Variants in MPHOSPH9 observed in about 807,000 individuals in gnomAD.
The protein encoded by MPHOSPH9 is M-phase phosphoprotein 9.
In MPHOSPH9, 88 loss-of-function variants were observed where a neutral mutation model predicts 145.5. That is an observed-to-expected ratio of 0.60 (90% CI 0.51 to 0.72). MPHOSPH9 has a LOEUF of 0.72. MPHOSPH9 is among the 30% of genes least tolerant of loss of function. MPHOSPH9 has a pLI of 0.00. For synonymous variants in MPHOSPH9, 435 were observed against 486.2 expected (o/e 0.89, Z 1.39); for missense variants, 1,238 against 1,386.6 (o/e 0.89, Z 1.70).
chr12:123,182,248 T>TG (rs1479523161), intron 13 of MPHOSPH9, among the ~76,000 whole-genome samples: 1 of 72,708 alleles, frequency 1.4e-5, no homozygotes, highest in African/African-American at 2.9e-5. Flanking sequence ...GTTTTTTTTG[T>TG]GTTTTTTTTT....
Position 123,198,229 on chromosome 12 carries a change from C to T in MPHOSPH9, c.2025+18G>A. 1 of 1,583,648 alleles carries T rather than the reference C, an allele frequency of 6.3e-7. No individual in the cohort carries two copies. Among genetic ancestry groups the T allele is most frequent in the Non-Finnish European group, 8.6e-7 (1 of 1,157,806 alleles). The stretch of plus-strand genomic sequence containing the variant: ...TCATTTGTCTCACCAGAACACCCAC[C>T]AAAAAAAGAGTACTTACCACTTCAA... On this transcript the variant is annotated intron_variant, in intron 12 of 23. Transcript: ENST00000606320.
intron 13 of MPHOSPH9, among the ~76,000 whole-genome samples, chr12:123,192,141 G>A (rs2045704331): frequency 6.6e-6 from 1 of 152,148 alleles, no homozygotes; most frequent in Admixed American, 6.6e-5. Flanking sequence ...AAAACTAGGA[G>A]GTAAAAGCTT....
intron 8 of MPHOSPH9, among the ~76,000 whole-genome samples, chr12:123,209,452 G>A (rs1396307794): frequency 6.6e-6 from 1 of 151,906 alleles, no homozygotes; most frequent in Admixed American, 6.6e-5. Flanking sequence ...CGTTGCCCAA[G>A]CTGGAGTGCA....
intron 8 of MPHOSPH9, among the ~76,000 whole-genome samples, chr12:123,204,112 A>C (rs532576882): frequency 9.2e-5 from 14 of 152,222 alleles, no homozygotes; most frequent in African/African-American, 3.4e-4. Flanking sequence ...AGACCAGCCT[A>C]GCCAACATGG....
chr12:123,156,940 G>C, intron 23 of MPHOSPH9, 32 bp from the exon 24 acceptor site: 2 of 1,536,822 alleles, frequency 1.3e-6, no homozygotes, highest in East Asian at 4.5e-5. Flanking sequence ...AGTTTAATTA[G>C]AATTCTATAC....
chr12:123,162,539 C>T (rs568895319), intron 20 of MPHOSPH9: 4 of 186,552 alleles, frequency 2.1e-5, no homozygotes, highest in Non-Finnish European at 4.4e-5. Flanking sequence ...AACTCATCTC[C>T]GCAAGAGCCT....
intron 15 of MPHOSPH9, among the ~76,000 whole-genome samples, chr12:123,179,478 G>T (rs939156368): frequency 6.6e-6 from 1 of 152,124 alleles, no homozygotes; most frequent in Non-Finnish European, 1.5e-5. Context: ...GGGAGGCTGA[G>T]GCAGGAGAAT....
At chr12:123,206,319 A>G (rs2046429408) in intron 8 of MPHOSPH9, among the ~76,000 whole-genome samples, 1 of 150,930 alleles carries the variant, frequency 6.6e-6, no homozygotes, top group African/African-American at 2.4e-5. Context: ...AAAATGAGCC[A>G]GGTGTGGTTG....
chr12:123,203,492 CT>C, intron 8 of MPHOSPH9, 117 bp from the exon 9 acceptor site: 1 of 914,494 alleles, frequency 1.1e-6, no homozygotes, highest in Non-Finnish European at 1.6e-6. Flanking sequence ...AAAATGTAGA[CT>C]GTCAGATTTG....
In MPHOSPH9 at chr12:123,176,802, C is replaced by G. The variant is rs2044887664; in HGVS notation, c.2355-13G>C. 1 of 1,572,166 alleles carries G rather than the reference C, an allele frequency of 6.4e-7. No homozygotes were observed. The highest frequency in any genetic ancestry group is 1.3e-5 in the African/African-American group (1 of 74,122). On this transcript the variant is annotated splice_polypyrimidine_tract_variant and intron_variant, in intron 15 of 23. Coordinates refer to ENST00000606320, the MANE Select transcript of MPHOSPH9 (RefSeq NM_022782.4). Reference sequence around the variant, plus strand: ...TTTTGAAATCATTCTAATTCAAAAGCAATAAAGATAAATTAAGTACATTTC... The same window carrying G: ...TTTTGAAATCATTCTAATTCAAAAGGAATAAAGATAAATTAAGTACATTTC...
chr12:123,224,385 C>T (rs938349242), intron 3 of MPHOSPH9, among the ~76,000 whole-genome samples: 40 of 152,090 alleles, frequency 2.6e-4, no homozygotes, highest in African/African-American at 8.9e-4. Context: ...CCGCCTGCCT[C>T]GGCCTCCCAA....
intron 7 of MPHOSPH9, among the ~76,000 whole-genome samples, chr12:123,212,358 G>A (rs1363269238): frequency 6.6e-6 from 1 of 152,046 alleles, no homozygotes; most frequent in African/African-American, 2.4e-5. Flanking sequence ...ACCTATCTGG[G>A]ACATTTGAGC....
chr12:123,234,528 C>T (rs562603432), upstream of MPHOSPH9, among the ~76,000 whole-genome samples: 1 of 152,130 alleles, frequency 6.6e-6, no homozygotes, highest in East Asian at 1.9e-4. Flanking sequence ...CCCGAGTAGC[C>T]GGGAATACCG....
chr12:123,193,718 A>G (rs1244972922), intron 13 of MPHOSPH9, among the ~76,000 whole-genome samples: 1 of 152,220 alleles, frequency 6.6e-6, no homozygotes, highest in African/African-American at 2.4e-5. Flanking sequence ...ATTATATCAA[A>G]GTGAAAAAAT....
At chr12:123,225,089 TACCTATGAATTTCATTTCAGGATAATATA>T (rs1356912645) in intron 3 of MPHOSPH9, among the ~76,000 whole-genome samples, 1 of 152,212 alleles carries the variant, frequency 6.6e-6, no homozygotes, top group South Asian at 2.1e-4. Context: ...TAGGTTATAT[TACCTATGAATTTCATTTCAGGATAATATA>T]AATTGATGTT....
At chr12:123,167,265 A>G (rs2044358376) in intron 16 of MPHOSPH9, among the ~76,000 whole-genome samples, 1 of 152,248 alleles carries the variant, frequency 6.6e-6, no homozygotes, top group Admixed American at 6.5e-5. Flanking sequence ...AGACTGAAGA[A>G]CCAATTATAA....
chr12:123,170,720 T>C (rs1593085419), intron 16 of MPHOSPH9, among the ~76,000 whole-genome samples: 2 of 152,364 alleles, frequency 1.3e-5, no homozygotes, highest in East Asian at 3.8e-4. Flanking sequence ...GTTTTTAATA[T>C]GCAGCCTTTC....
chr12:123,237,574 CTT>C (rs1250899573), upstream of MPHOSPH9, among the ~76,000 whole-genome samples: 1 of 152,220 alleles, frequency 6.6e-6, no homozygotes, highest in Non-Finnish European at 1.5e-5. Context: ...AGAGTAGTCT[CTT>C]TTTCCTCCCG....
At chr12:123,162,754 T>C (rs1287392713) in intron 20 of MPHOSPH9, 2 of 360,872 alleles carry the variant, frequency 5.5e-6, no homozygotes, top group Non-Finnish European at 9.8e-6. Flanking sequence ...AACAAAGAAC[T>C]ATCATTCTAC....
Sources: gnomAD v4.1 joint callset for allele counts (sites outside exome capture counted in the v4.1 genomes callset) on GRCh38, gnomAD v4.1.1 for gene constraint, MANE v1.5 for transcripts, NCBI Gene and HGNC (gene_info 2026-07-23, HGNC 2026-07-21) for gene names.